Variants in SH3PXD2B observed in about 807,000 individuals in gnomAD.
The protein encoded by SH3PXD2B is SH3 and PX domains 2B.
A neutral mutation model predicts 73.1 loss-of-function variants in SH3PXD2B; 37 were observed. The ratio of observed to expected loss-of-function variants is 0.51; its 90% CI spans 0.39 to 0.67. The LOEUF is 0.67. SH3PXD2B is among the 30% of genes least tolerant of loss of function. SH3PXD2B has a pLI of 0.00. For missense variants in SH3PXD2B, 1,053 were observed against 1,197.8 expected (o/e 0.88, Z 1.78); for synonymous variants, 457 against 480.5 (o/e 0.95, Z 0.64).
Position 172,333,570 on chromosome 5 carries a change from G to A in SH3PXD2B, c.*4799C>T. 1 of 1,196,172 alleles carries A rather than the reference G, an allele frequency of 8.4e-7. No individual in the cohort carries two copies. Among genetic ancestry groups the A allele is most frequent in the Admixed American group, 3.9e-5 (1 of 25,540 alleles). The allele number at this position is 1,196,172 out of a possible 1,614,324, so 74.1% of individuals were successfully genotyped here. A position where few individuals can be genotyped will look rare whatever the true frequency, so the allele number is the denominator to read the frequency against. ...AAAAAAAAAGGAAAGAAGTCAAATG[G>A]TAAAGTATATAGCCTACACATGCTA... is the stretch of plus-strand genomic sequence containing the variant. On this transcript the variant is annotated 3_prime_UTR_variant, in exon 13 of 13. Coordinates refer to ENST00000311601, the MANE Select transcript of SH3PXD2B (RefSeq NM_001017995.3).
intron 2 of SH3PXD2B, among the ~76,000 whole-genome samples, chr5:172,407,915 GC>G (rs1452646293): frequency 6.6e-5 from 10 of 152,232 alleles, no homozygotes; most frequent in Non-Finnish European, 1.3e-4. Flanking sequence ...AAGCGGAGGG[GC>G]CAGAGACTGA....
downstream of SH3PXD2B, among the ~76,000 whole-genome samples, chr5:172,333,085 G>A (rs914614173): frequency 1.5e-5 from 2 of 136,284 alleles, no homozygotes; most frequent in South Asian, 2.6e-4. Context: ...ACAGGCGCCC[G>A]ACACCACGCC....
At chr5:172,369,629 A>G (rs1228219354) in intron 6 of SH3PXD2B, among the ~76,000 whole-genome samples, 1 of 152,120 alleles carries the variant, frequency 6.6e-6, no homozygotes, top group Non-Finnish European at 1.5e-5. Context: ...TTAGCCAGGC[A>G]TGGTGGTGTG....
chr5:172,328,498 C>G (rs1756487900), intron 12 of SH3PXD2B, among the ~76,000 whole-genome samples: 1 of 152,128 alleles, frequency 6.6e-6, no homozygotes, highest in Non-Finnish European at 1.5e-5. Context: ...CACTTCCATC[C>G]TCAGTAGACA....
Position 172,382,248 on chromosome 5 carries a change from G to A in SH3PXD2B, c.310-121C>T, listed in dbSNP as rs114274833. Reference sequence around the variant, plus strand: ...AGATAATTGTTTGAACCTGGGAGGCGGAGGTTGCAGTGAGCTGAGATCGCG... The same window carrying A: ...AGATAATTGTTTGAACCTGGGAGGCAGAGGTTGCAGTGAGCTGAGATCGCG... On this transcript the variant is annotated intron_variant, in intron 4 of 12. Transcript: ENST00000311601. 0.039 allele frequency: 29,916 copies of A among 757,476 alleles called. 966 individuals are homozygous for A. The highest frequency in any genetic ancestry group is 0.13 in the African/African-American group (7,629 of 56,524). The allele number at this position is 757,476 out of a possible 1,614,324, so 46.9% of individuals were successfully genotyped here.
intron 12 of SH3PXD2B, among the ~76,000 whole-genome samples, chr5:172,341,401 T>C (rs1214714618): frequency 2.6e-5 from 4 of 152,152 alleles, no homozygotes; most frequent in East Asian, 1.9e-4. Context: ...TGGCTTGGTG[T>C]CCTTCCCTTG....
At chr5:172,428,114 T>G (rs1278750654) in intron 1 of SH3PXD2B, among the ~76,000 whole-genome samples, 1 of 152,178 alleles carries the variant, frequency 6.6e-6, no homozygotes, top group Non-Finnish European at 1.5e-5. Context: ...TGCAGAGATT[T>G]ACATACTGCA....
chr5:172,372,708 T>G (rs981509562), intron 6 of SH3PXD2B, among the ~76,000 whole-genome samples: 43 of 152,206 alleles, frequency 2.8e-4, no homozygotes, highest in Non-Finnish European at 6.0e-4. Context: ...GGCAGATTGC[T>G]ATATCAACCC....
chr5:172,396,877 G>T (rs939484163), intron 3 of SH3PXD2B, among the ~76,000 whole-genome samples: 4 of 152,086 alleles, frequency 2.6e-5, no homozygotes, highest in African/African-American at 9.7e-5. Context: ...GGAGATGGAG[G>T]TTGCAGTGAG....
rs745814672 is a variant in SH3PXD2B, at chr5:172,445,783, C to G, written c.75+8495G>C. On this transcript the variant is annotated intron_variant, in intron 1 of 12. Transcript: ENST00000311601. The surrounding 1 kb of genome is among the most constrained non-coding windows in gnomAD (Gnocchi z 5.2). ...GAAGCAGGCAGGTGAGCTCTGCCCA[C>G]AGCCCCTCCTCCCTTTACCACCTGA... Among the ~76,000 whole-genome samples, 2 of 152,248 alleles carry G rather than the reference C, an allele frequency of 1.3e-5. No homozygotes were observed. The highest frequency in any genetic ancestry group is 2.9e-5 in the Non-Finnish European group (2 of 68,038).
At chr5:172,410,294 T>C (rs1052203864) in intron 2 of SH3PXD2B, among the ~76,000 whole-genome samples, 38 of 152,228 alleles carry the variant, frequency 2.5e-4, no homozygotes, top group African/African-American at 8.9e-4. Context: ...CTCTACATCC[T>C]TGCCAGTATT....
chr5:172,387,144 AC>A (rs1262123127), intron 4 of SH3PXD2B, among the ~76,000 whole-genome samples: 1 of 152,218 alleles, frequency 6.6e-6, no homozygotes, highest in African/African-American at 2.4e-5. Flanking sequence ...GGTAAATACT[AC>A]TGTTATGTTG....
At chr5:172,390,137 C>A (rs1758148371) in intron 4 of SH3PXD2B, among the ~76,000 whole-genome samples, 1 of 152,228 alleles carries the variant, frequency 6.6e-6, no homozygotes, top group Non-Finnish European at 1.5e-5. Context: ...TCACCACAAT[C>A]TAGTTTCAAA....
chr5:172,406,041 T>C (rs1326556567), intron 3 of SH3PXD2B, among the ~76,000 whole-genome samples: 1 of 152,222 alleles, frequency 6.6e-6, no homozygotes, highest in Non-Finnish European at 1.5e-5. Context: ...CCTGTGGGAA[T>C]TATTTATATA....
chr5:172,329,118 T>C (rs1322936492), downstream of SH3PXD2B, among the ~76,000 whole-genome samples: 1 of 140,960 alleles, frequency 7.1e-6, no homozygotes, highest in Non-Finnish European at 1.5e-5. Context: ...TCTTGCTCTG[T>C]TGTCCAGGCT....
At chr5:172,381,934 G>A (rs145784871) in intron 5 of SH3PXD2B, 102 bp downstream of exon 5, 405 of 892,536 alleles carry the variant, frequency 4.5e-4, no homozygotes, top group Non-Finnish European at 6.2e-4. Context: ...CTCAGCCGAC[G>A]AAACCCACTT....
At chr5:172,325,465 G>A (rs1278875242) in intron 12 of SH3PXD2B, 1 of 830,360 alleles carries the variant, frequency 1.2e-6, no homozygotes, top group Non-Finnish European at 1.9e-6. Flanking sequence ...TTGTCTGTTT[G>A]TCTATAACAG....
At chr5:172,384,110 C>T (rs1033967339) in intron 4 of SH3PXD2B, among the ~76,000 whole-genome samples, 1 of 152,106 alleles carries the variant, frequency 6.6e-6, no homozygotes, top group Non-Finnish European at 1.5e-5. Flanking sequence ...TCCCAAAGTG[C>T]TGGGATTACA....
intron 9 of SH3PXD2B, 36 bp from the exon 10 acceptor site, chr5:172,350,625 C>T (rs773328785): frequency 3.2e-5 from 50 of 1,557,040 alleles, no homozygotes; most frequent in Middle Eastern, 3.3e-4. Context: ...CAAACTGCTC[C>T]GCCAGGCCCA....
Sources: gnomAD v4.1 joint callset for allele counts (sites outside exome capture counted in the v4.1 genomes callset) on GRCh38, gnomAD v4.1.1 for gene constraint, Gnocchi (gnomAD v3.1) non-coding constraint, MANE v1.5 for transcripts, NCBI Gene and HGNC (gene_info 2026-07-23, HGNC 2026-07-21) for gene names.